TMEM67: variants seen among roughly 807,000 people sequenced by gnomAD.
TMEM67 encodes the protein meckelin.
TMEM67 carries 124 observed loss-of-function variants against 136.6 expected under a neutral mutation model. The observed-to-expected ratio is 0.91, with a 90% CI of 0.78 to 1.05. The LOEUF (loss-of-function observed/expected upper bound fraction) is 1.05, where lower values mean the gene tolerates loss of function less well. TMEM67 is among the 50% of genes least tolerant of loss of function. The pLI is 0.00. For missense variants in TMEM67, 1,107 were observed against 1,178.4 expected, an observed-to-expected ratio of 0.94 and a Z score of 0.89; for synonymous variants, 364 against 390.5, an observed-to-expected ratio of 0.93 and a Z score of 0.80.
At position 93,755,146 on chromosome 8, in the gene TMEM67, G is replaced by C; in HGVS notation, c.223+9G>C. 1 of 1,613,442 alleles carries C rather than the reference G, an allele frequency of 6.2e-7. No homozygotes were observed. Among genetic ancestry groups the C allele is most frequent in the Non-Finnish European group, 8.5e-7 (1 of 1,179,420 alleles). On this transcript the variant is annotated intron_variant, in intron 1 of 27. Transcript: ENST00000453321. Reference sequence around the variant, plus strand: ...GAGGCAAGATGCCCGAGGTAAGACGGTTTGCGGTGGGCCCTGGCAAAAGTA... The same window carrying C: ...GAGGCAAGATGCCCGAGGTAAGACGCTTTGCGGTGGGCCCTGGCAAAAGTA...
At chr8:93,797,028 A>G in intron 18 of TMEM67, 106 bp from the exon 19 acceptor site, 2 of 733,538 alleles carry the variant, frequency 2.7e-6, no homozygotes, top group Non-Finnish European at 4.9e-6. Context: ...TCATAAAATT[A>G]TATGTTCTTG....
intron 11 of TMEM67, 59 bp downstream of exon 11, chr8:93,782,519 C>T (rs1273469912): frequency 1.5e-6 from 2 of 1,318,130 alleles, no homozygotes; most frequent in African/African-American, 1.5e-5. Flanking sequence ...ATCATGTCAG[C>T]AGTAATTGGA....
At position 93,765,397 on chromosome 8, in the gene TMEM67, A is replaced by G. The variant is rs200249869; in HGVS notation, c.507-9A>G. 4.4e-6 allele frequency: 7 copies of G among 1,606,562 alleles called. No individual in the cohort carries two copies. The highest frequency in any genetic ancestry group is 5.1e-6 in the Non-Finnish European group (6 of 1,175,544). ...ACATTTTTAAAATTATTTTTGTTAT[A>G]TTGAACAGGTGCGTCCGATGTGAGC... is the stretch of plus-strand genomic sequence containing the variant. On this transcript the variant is annotated splice_polypyrimidine_tract_variant and intron_variant, in intron 4 of 27. Coordinates refer to ENST00000453321, the MANE Select transcript of TMEM67 (RefSeq NM_153704.6).
the TMEM67 span, among the ~76,000 whole-genome samples, chr8:93,831,269 G>A: frequency 6.6e-6 from 1 of 152,240 alleles, no homozygotes; most frequent in East Asian, 1.9e-4. Flanking sequence ...GGGGCCTGGA[G>A]AATGAAAGAA....
chr8:93,789,995 T>C (rs551459592), intron 14 of TMEM67, among the ~76,000 whole-genome samples: 1 of 152,004 alleles, frequency 6.6e-6, no homozygotes, highest in African/African-American at 2.4e-5. Flanking sequence ...GGAGAATCGC[T>C]TGAACCTGGG....
rs151035146 is a variant in TMEM67 at position 93,797,051 on chromosome 8, G to A, written c.1861-83G>A. ...TTATATGTTCTTGTGATAACAGTAT[G>A]TTTCTTAAAGAGTCAATATTGGTTT... On this transcript the variant is annotated intron_variant, in intron 18 of 27. Coordinates refer to ENST00000453321, the MANE Select transcript of TMEM67 (RefSeq NM_153704.6). 7.5e-4 allele frequency: 609 copies of A among 813,872 alleles called. 3 individuals carry two copies. The Middle Eastern group carries it at 7.5e-3, about 10-fold the overall frequency. The allele number at this position is 813,872 out of a possible 1,614,324, so 50.4% of individuals were successfully genotyped here. A position where few individuals can be genotyped will look rare whatever the true frequency, so the allele number is the denominator to read the frequency against.
the TMEM67 span, among the ~76,000 whole-genome samples, chr8:93,826,899 G>A: frequency 3.3e-4 from 50 of 151,880 alleles, no homozygotes; most frequent in African/African-American, 1.1e-3. Context: ...GTGCAATCTC[G>A]GCTCACCGCA....
intron 12 of TMEM67, 59 bp downstream of exon 12, chr8:93,785,437 C>G: frequency 6.6e-7 from 1 of 1,517,798 alleles, no homozygotes; most frequent in South Asian, 1.1e-5. Flanking sequence ...ATAAGTTAAC[C>G]TACATGATAA....
intron 7 of TMEM67, among the ~76,000 whole-genome samples, chr8:93,773,855 G>A (rs1384291749): frequency 1.3e-5 from 2 of 151,894 alleles, no homozygotes; most frequent in African/African-American, 4.8e-5. Flanking sequence ...TTTTTCCTTA[G>A]TTCTTCTTTC....
In TMEM67 at chr8:93,797,242, A is replaced by G. The variant is rs1431911428; in HGVS notation, c.1960+9A>G. ...TCTTAAAGCTGTTGAAGGTAACTGA[A>G]ATAAAAAATATTTGTACCAAAATTC... On this transcript the variant is annotated intron_variant, in intron 19 of 27. Coordinates refer to ENST00000453321, the MANE Select transcript of TMEM67 (RefSeq NM_153704.6). 1 of 1,611,836 alleles carries G rather than the reference A, an allele frequency of 6.2e-7. No homozygotes were observed. The highest frequency in any genetic ancestry group is 2.2e-5 in the East Asian group (1 of 44,862).
intron 11 of TMEM67, among the ~76,000 whole-genome samples, chr8:93,784,976 C>T (rs935624817): frequency 6.6e-6 from 1 of 152,088 alleles, no homozygotes; most frequent in Non-Finnish European, 1.5e-5. Flanking sequence ...TCAAAATTCT[C>T]AAAGCAGTAC....
chr8:93,832,421 T>C, the TMEM67 span, among the ~76,000 whole-genome samples: 1 of 152,284 alleles, frequency 6.6e-6, no homozygotes, highest in East Asian at 1.9e-4. Flanking sequence ...CAGAACAATT[T>C]CCTTATCTGC....
chr8:93,812,962 C>T (rs1343847551), intron 26 of TMEM67, among the ~76,000 whole-genome samples: 1 of 152,068 alleles, frequency 6.6e-6, no homozygotes, highest in African/African-American at 2.4e-5. Context: ...TCTTGAACCC[C>T]TGACCTCATG....
chr8:93,803,073 A>C (rs1341034764), intron 21 of TMEM67, among the ~76,000 whole-genome samples: 4 of 152,140 alleles, frequency 2.6e-5, no homozygotes, highest in Admixed American at 2.0e-4. Flanking sequence ...TACCATGTAA[A>C]ATTTTTATTT....
At chr8:93,804,463 C>T (rs1314383306) in intron 22 of TMEM67, among the ~76,000 whole-genome samples, 8 of 148,394 alleles carry the variant, frequency 5.4e-5, no homozygotes, top group African/African-American at 2.0e-4. Context: ...CACAGGTGTG[C>T]ACCACCAACA....
At chr8:93,822,021 C>T (rs976894405), downstream of TMEM67, among the ~76,000 whole-genome samples, 1 of 152,076 alleles carries the variant, frequency 6.6e-6, no homozygotes, top group Non-Finnish European at 1.5e-5. Context: ...ACATTAAAAT[C>T]AGGAACACTG....
rs751579178 is a variant in TMEM67, at chr8:93,785,250, T to C, written c.1160T>C (p.Ile387Thr). ...NCEIPISKIL[I>T]DFPTPIFYDV... is the part of the protein sequence containing the mutation. Reference sequence around the variant, plus strand: ...GAGATTCCTATCTCTAAGATCTTAATTGACTTTCCCACTCCTATATTTTAT... The same window carrying C: ...GAGATTCCTATCTCTAAGATCTTAACTGACTTTCCCACTCCTATATTTTAT... The change falls in exon 12 of 28, where the codon ATT (isoleucine) becomes ACT (threonine). Residue 387 changes from isoleucine (I) to threonine (T), a missense_variant. Physicochemically the swap from Ile to Thr is moderately conservative, Grantham distance 89. Transcript: ENST00000453321. 2.5e-6 allele frequency: 4 copies of C among 1,594,512 alleles called. No individual in the cohort carries two copies. The highest frequency in any genetic ancestry group is 2.7e-5 in the African/African-American group (2 of 74,480).
At chr8:93,804,640 A>G in intron 22 of TMEM67, 122 bp from the exon 23 acceptor site, 2 of 630,608 alleles carry the variant, frequency 3.2e-6, no homozygotes, top group East Asian at 2.8e-5. Context: ...TCCTCTTTAT[A>G]TATTTCCCAA....
intron 3 of TMEM67, chr8:93,763,147 C>T (rs1018861106): frequency 8.2e-6 from 2 of 245,264 alleles, no homozygotes; most frequent in Admixed American, 1.1e-4. Flanking sequence ...CCAGGCTGGT[C>T]TTGAACTCCT....
Sources: gnomAD v4.1 joint callset for allele counts (sites outside exome capture counted in the v4.1 genomes callset) on GRCh38, gnomAD v4.1.1 for gene constraint, MANE v1.5 for transcripts, NCBI Gene and HGNC (gene_info 2026-07-23, HGNC 2026-07-21) for gene names.